Variants in MTUS2 observed in about 807,000 individuals in gnomAD.
MTUS2 encodes microtubule associated scaffold protein 2.
A neutral mutation model predicts 114.1 loss-of-function variants in MTUS2; 40 were observed. The observed-to-expected ratio is 0.35, with a 90% CI of 0.27 to 0.46. MTUS2 has a LOEUF of 0.46. Among genes scored for constraint, MTUS2 ranks in the 20% least tolerant of loss-of-function variants. MTUS2 has a pLI of 1.00. For synonymous variants in MTUS2, 688 were observed against 672.0 expected (o/e 1.02, Z -0.37); for missense variants, 1,679 against 1,705.4 (o/e 0.98, Z 0.27).
Position 29,308,439 on chromosome 13 carries a change from A to C in MTUS2, c.2807-16174A>C, listed in dbSNP as rs3011457. ...TTAAAGACTTAAATGTAAAACTCAA[A>C]ACTATAAAAACCTTAGAAGAAAATC... is the stretch of plus-strand genomic sequence containing the variant. On this transcript the variant is annotated intron_variant, in intron 6 of 15. Coordinates refer to ENST00000612955, the MANE Select transcript of MTUS2 (RefSeq NM_001033602.4). Among the ~76,000 whole-genome samples the C allele has an allele frequency of 9.9e-3, 1,504 of 152,312 alleles. 17 individuals are homozygous for C. Among genetic ancestry groups the C allele is most frequent in the African/African-American group, 0.035 (1,445 of 41,554 alleles).
intron 5 of MTUS2, among the ~76,000 whole-genome samples, chr13:29,174,163 C>G (rs1737430271): frequency 6.6e-6 from 1 of 152,126 alleles, no homozygotes; most frequent in Non-Finnish European, 1.5e-5. Flanking sequence ...TCATTTATCC[C>G]AGATGGTTCC....
At chr13:29,100,093 A>G (rs1890344338) in intron 4 of MTUS2, among the ~76,000 whole-genome samples, 1 of 152,256 alleles carries the variant, frequency 6.6e-6, no homozygotes, top group Non-Finnish European at 1.5e-5. Flanking sequence ...TGGTATAAGC[A>G]GTAATATTTA....
At chr13:28,871,263 T>C (rs1877601370) in intron 2 of MTUS2, among the ~76,000 whole-genome samples, 1 of 152,196 alleles carries the variant, frequency 6.6e-6, no homozygotes, top group South Asian at 2.1e-4. Flanking sequence ...TATCTCCTTA[T>C]GTTATTTCAG....
chr13:29,077,807 G>C (rs1255009126), intron 4 of MTUS2, among the ~76,000 whole-genome samples: 1 of 152,162 alleles, frequency 6.6e-6, no homozygotes, highest in African/African-American at 2.4e-5. Context: ...AAGAACGTTT[G>C]ACAATGTTGG....
intron 5 of MTUS2, among the ~76,000 whole-genome samples, chr13:29,208,543 C>CT (rs1231016907): frequency 6.6e-6 from 1 of 151,942 alleles, no homozygotes; most frequent in Non-Finnish European, 1.5e-5. Context: ...CCTCTTTCAA[C>CT]TTTTTGATGC....
At chr13:29,016,824 T>G (rs952104160) in intron 2 of MTUS2, among the ~76,000 whole-genome samples, 1 of 152,228 alleles carries the variant, frequency 6.6e-6, no homozygotes, top group East Asian at 1.9e-4. Flanking sequence ...TTGTGTTATG[T>G]GACACCATAC....
intron 2 of MTUS2, among the ~76,000 whole-genome samples, chr13:29,020,752 C>T (rs574338131): frequency 6.6e-6 from 1 of 151,494 alleles, no homozygotes; most frequent in South Asian, 2.1e-4. Context: ...TTTACAGCTT[C>T]TGCTTTCTAA....
At chr13:29,183,868 A>G (rs1894109357) in intron 5 of MTUS2, among the ~76,000 whole-genome samples, 1 of 152,202 alleles carries the variant, frequency 6.6e-6, no homozygotes, top group Non-Finnish European at 1.5e-5. Context: ...TTACTACAGA[A>G]AGAATTTTCC....
chr13:29,041,739 G>T (rs1460410345), intron 4 of MTUS2, among the ~76,000 whole-genome samples: 2 of 152,054 alleles, frequency 1.3e-5, no homozygotes, highest in Non-Finnish European at 2.9e-5. Flanking sequence ...TGTAAAAGGG[G>T]TTGAGTTCTT....
intron 5 of MTUS2, among the ~76,000 whole-genome samples, chr13:29,167,139 C>G (rs932777420): frequency 6.6e-6 from 1 of 152,198 alleles, no homozygotes; most frequent in Admixed American, 6.5e-5. Context: ...CTTTGGGAGG[C>G]CTAGGCGGGC....
intron 5 of MTUS2, among the ~76,000 whole-genome samples, chr13:29,144,522 G>A (rs1892353709): frequency 1.3e-5 from 2 of 152,032 alleles, no homozygotes; most frequent in Non-Finnish European, 1.5e-5. Context: ...AGCCACTGTG[G>A]CCAGCTCAAG....
chr13:29,164,604 A>G (rs528537454), intron 5 of MTUS2, among the ~76,000 whole-genome samples: 19 of 152,362 alleles, frequency 1.2e-4, no homozygotes, highest in African/African-American at 4.6e-4. Flanking sequence ...GGGATGATGT[A>G]TATGTGAATT....
intron 8 of MTUS2, among the ~76,000 whole-genome samples, chr13:29,438,111 G>C (rs868296425): frequency 6.6e-6 from 1 of 152,198 alleles, no homozygotes; most frequent in Admixed American, 6.5e-5. Flanking sequence ...CTTGCTAAAT[G>C]CTGGACACTA....
chr13:29,072,412 G>A lies in MTUS2; in HGVS notation c.2447-28361G>A, dbSNP rs543691813. 7.2e-5 allele frequency among the ~76,000 whole-genome samples: 11 copies of A among 152,214 alleles called. No homozygotes were observed. In the South Asian group the frequency reaches 1.2e-3, roughly 17 times the overall value. On this transcript the variant is annotated intron_variant, in intron 4 of 15. Coordinates refer to ENST00000612955, the MANE Select transcript of MTUS2 (RefSeq NM_001033602.4). Reference sequence around the variant, plus strand: ...CATTGACTAGATTCTCTTAAATCCAGTCAATGTTGTTGACCAGCATCTCTG... The same window carrying A: ...CATTGACTAGATTCTCTTAAATCCAATCAATGTTGTTGACCAGCATCTCTG...
At chr13:29,250,403 A>T (rs1897081895) in intron 5 of MTUS2, 1 of 152,046 alleles carries the variant, frequency 6.6e-6, no homozygotes, top group Admixed American at 6.6e-5. Flanking sequence ...GAAAAATATG[A>T]TTCTTGCTTA....
chr13:29,391,534 A>G (rs1485153372), intron 8 of MTUS2, among the ~76,000 whole-genome samples: 4 of 146,004 alleles, frequency 2.7e-5, no homozygotes, highest in East Asian at 2.0e-4. Context: ...TTTATTCCAC[A>G]TGGCTTCAGG....
At chr13:28,862,439 T>C (rs1399057104) in intron 2 of MTUS2, among the ~76,000 whole-genome samples, 2 of 152,118 alleles carry the variant, frequency 1.3e-5, no homozygotes, top group African/African-American at 4.8e-5. Context: ...GGTAAAACCC[T>C]GTCTCTACTA....
At chr13:29,437,940 C>T (rs1438156411) in intron 8 of MTUS2, among the ~76,000 whole-genome samples, 1 of 98,662 alleles carries the variant, frequency 1.0e-5, no homozygotes, top group Non-Finnish European at 2.2e-5. Flanking sequence ...AGAGCGAGAT[C>T]TTATCTCAAA....
intron 6 of MTUS2, among the ~76,000 whole-genome samples, chr13:29,296,650 G>A (rs186731790): frequency 6.6e-6 from 1 of 152,202 alleles, no homozygotes; most frequent in African/African-American, 2.4e-5. Flanking sequence ...TTTTAACTGG[G>A]ATGAGATGAC....
Sources: gnomAD v4.1 joint callset for allele counts (sites outside exome capture counted in the v4.1 genomes callset) on GRCh38, gnomAD v4.1.1 for gene constraint, MANE v1.5 for transcripts, NCBI Gene and HGNC (gene_info 2026-07-23, HGNC 2026-07-21) for gene names.